Variants in HDAC2 observed in about 807,000 individuals in gnomAD.
The protein encoded by HDAC2 is histone deacetylase 2.
Under a neutral mutation model 68.5 loss-of-function variants are expected in HDAC2, and 5 were observed. That is an observed-to-expected ratio of 0.07 (90% CI 0.04 to 0.15). The LOEUF (loss-of-function observed/expected upper bound fraction) is 0.15. HDAC2 is among the 10% of genes least tolerant of loss of function. The pLI, the probability that HDAC2 is intolerant of heterozygous loss-of-function variation, is 1.00. For synonymous variants in HDAC2, 182 were observed against 191.3 expected (o/e 0.95, Z 0.40); for missense variants, 291 against 600.8 (o/e 0.48, Z 5.39).
At position 113,971,092 on chromosome 6, in the gene HDAC2, A is replaced by G; in HGVS notation, c.-184T>C. The G allele has an allele frequency of 6.5e-7, 1 of 1,542,840 alleles. No individual in the cohort carries two copies. Among genetic ancestry groups the G allele is most frequent in the Non-Finnish European group, 8.8e-7 (1 of 1,141,386 alleles). Reference sequence around the variant, plus strand: ...CCGGGAAGGCTCGGTACCACCCGGCAGAGGTGCCGAAAGCTCGGAATCGGA... The same window carrying G: ...CCGGGAAGGCTCGGTACCACCCGGCGGAGGTGCCGAAAGCTCGGAATCGGA... On this transcript the variant is annotated 5_prime_UTR_variant, in exon 1 of 14. Coordinates refer to ENST00000519065, the MANE Select transcript of HDAC2 (RefSeq NM_001527.4).
chr6:113,943,076 A>G (rs902669280), intron 12 of HDAC2, among the ~76,000 whole-genome samples: 11 of 152,184 alleles, frequency 7.2e-5, no homozygotes, highest in Non-Finnish European at 1.3e-4. Flanking sequence ...CCTCTTTCTT[A>G]ACCAATCTAT....
chr6:113,951,474 T>C (rs888551798), intron 6 of HDAC2, among the ~76,000 whole-genome samples: 2 of 148,758 alleles, frequency 1.3e-5, no homozygotes, highest in African/African-American at 5.1e-5. Context: ...TAAAATCTTT[T>C]TTTTTTTTTT....
In HDAC2 at chr6:113,961,462, G is replaced by A. The variant is rs1179728118; in HGVS notation, c.53-1444C>T. ...AATTCATATACAAAGTCTTTTAAAG[G>A]GAAAGCCACCTTTTTAATGCAGGTG... On this transcript the variant is annotated intron_variant, in intron 1 of 13. Coordinates refer to ENST00000519065, the MANE Select transcript of HDAC2 (RefSeq NM_001527.4). Among the ~76,000 whole-genome samples, 6 of 152,068 alleles carry A rather than the reference G, an allele frequency of 3.9e-5. No homozygotes were observed. The East Asian group carries it at 1.2e-3, about 29-fold the overall frequency.
Position 113,970,949 on chromosome 6 carries a change from C to G in HDAC2, c.-41G>C, listed in dbSNP as rs938307336. 3.9e-6 allele frequency: 6 copies of G among 1,527,556 alleles called. No homozygotes were observed. Among genetic ancestry groups the G allele is most frequent in the Non-Finnish European group, 4.4e-6 (5 of 1,125,782 alleles). The allele number at this position is 1,527,556 out of a possible 1,614,324, so 94.6% of individuals were successfully genotyped here. On this transcript the variant is annotated 5_prime_UTR_variant, in exon 1 of 14. Transcript: ENST00000519065. ...CGCCGCCACCGGGCTCCTCCTCCTG[C>G]TGCTGCTGCTGCTGCTGCTGCCGCC... is the stretch of plus-strand genomic sequence containing the variant.
chr6:113,965,368 G>GT (rs201133460), intron 1 of HDAC2, among the ~76,000 whole-genome samples: 12,827 of 144,218 alleles, frequency 0.089, 697 homozygotes, highest in East Asian at 0.28. Context: ...TACTTTTTTT[G>GT]TTTTTTTTTT....
chr6:113,968,121 G>A (rs983810518), intron 1 of HDAC2, among the ~76,000 whole-genome samples: 1 of 152,182 alleles, frequency 6.6e-6, no homozygotes, highest in African/African-American at 2.4e-5. Flanking sequence ...GTGGCCAAGA[G>A]GCTCCGTGTG....
chr6:113,970,446 AG>A, intron 1 of HDAC2: 1 of 1,043,196 alleles, frequency 9.6e-7, no homozygotes, highest in Non-Finnish European at 1.2e-6. Context: ...GGACGGGTCG[AG>A]GGGGTAGGAG....
In HDAC2 at chr6:113,946,155, C is replaced by G; in HGVS notation, c.842-7G>C. The G allele has an allele frequency of 1.2e-6, 2 of 1,607,368 alleles. No individual in the cohort carries two copies. Among genetic ancestry groups the G allele is most frequent in the Non-Finnish European group, 1.7e-6 (2 of 1,176,362 alleles). ...TCTACACATTTAGCATGACCTAAGA[C>G]AAGAAGATTTGGGTAACAACAAAAT... is the stretch of plus-strand genomic sequence containing the variant. On this transcript the variant is annotated splice_region_variant and splice_polypyrimidine_tract_variant and intron_variant, in intron 8 of 13. Coordinates refer to ENST00000519065, the MANE Select transcript of HDAC2 (RefSeq NM_001527.4).
At chr6:113,956,528 A>G (rs1476301044) in intron 4 of HDAC2, 91 bp downstream of exon 4, 5 of 853,138 alleles carry the variant, frequency 5.9e-6, no homozygotes, top group Non-Finnish European at 9.8e-6. Context: ...CAAAATTCAC[A>G]ATCATTAAAA....
intron 1 of HDAC2, among the ~76,000 whole-genome samples, chr6:113,963,634 A>T (rs1019480956): frequency 6.6e-6 from 1 of 152,244 alleles, no homozygotes; most frequent in African/African-American, 2.4e-5. Context: ...TTTTCGAATT[A>T]GGGATGCTAA....
At chr6:113,962,387 G>T in intron 1 of HDAC2, 2 of 907,304 alleles carry the variant, frequency 2.2e-6, no homozygotes, top group Non-Finnish European at 2.6e-6. Context: ...GAAATGGCAG[G>T]GTGAAGGCTG....
chr6:113,962,724 G>A (rs565092690), intron 1 of HDAC2, among the ~76,000 whole-genome samples: 3 of 152,208 alleles, frequency 2.0e-5, no homozygotes, highest in East Asian at 2.0e-4. Context: ...AGTACTTCGG[G>A]AGGCCGAGGC....
intron 1 of HDAC2, 28 bp from the exon 2 acceptor site, chr6:113,960,046 A>C (rs967700703): frequency 8.4e-6 from 9 of 1,071,956 alleles, no homozygotes; most frequent in African/African-American, 3.1e-5. Flanking sequence ...CAAACTAAAC[A>C]ATACAGACAA....
Position 113,946,123 on chromosome 6 carries a change from T to C in HDAC2, c.867A>G (p.Val289=), listed in dbSNP as rs77438668. Residue 289 remains valine (V), a synonymous_variant, in exon 9 of 14, where the codon GTA becomes GTG. Coordinates refer to ENST00000519065, the MANE Select transcript of HDAC2 (RefSeq NM_001527.4). Reference sequence around the variant, plus strand: ...TCAGTAATGGTAAGTTAAAAGTTTTTACAACTTCTACACATTTAGCATGAC... The same window carrying C: ...TCAGTAATGGTAAGTTAAAAGTTTTCACAACTTCTACACATTTAGCATGAC... ...VKGHAKCVEV[V]KTFNLPLLML... is the part of the protein sequence containing the mutation. The C allele has an allele frequency of 1.2e-5, 19 of 1,613,356 alleles. No individual in the cohort carries two copies. Among genetic ancestry groups the C allele is most frequent in the Admixed American group, 1.7e-5 (1 of 59,994 alleles).
Position 113,955,778 on chromosome 6 carries a change from A to AGG in HDAC2, c.497+233_497+234dup, listed in dbSNP as rs1282091575. ...CGCCCACCTCAGCCTCCCAAAGTGG[A>AGG]GGGATTACAGGCCTGGGCCATAGTG... is the stretch of plus-strand genomic sequence containing the variant. On this transcript the variant is annotated intron_variant, in intron 5 of 13. Transcript: ENST00000519065. 4 of 378,680 alleles carry AGG rather than the reference A, an allele frequency of 1.1e-5. No homozygotes were observed. In the Admixed American group the frequency reaches 1.4e-4, roughly 13 times the overall value. 23.5% of individuals were successfully genotyped at this position (378,680 alleles called of 1,614,324 possible).
chr6:113,963,244 C>T (rs1056618656), intron 1 of HDAC2, among the ~76,000 whole-genome samples: 6 of 151,852 alleles, frequency 4.0e-5, no homozygotes, highest in South Asian at 2.1e-4. Flanking sequence ...CCACCATACC[C>T]GGCTAATTTT....
intron 1 of HDAC2, chr6:113,969,595 C>T (rs1369054506): frequency 6.6e-6 from 1 of 152,196 alleles, no homozygotes; most frequent in African/African-American, 2.4e-5. Flanking sequence ...GGAATCCCTT[C>T]TCTCAAGAGT....
intron 1 of HDAC2, chr6:113,970,481 T>A: frequency 9.0e-7 from 1 of 1,105,590 alleles, no homozygotes; most frequent in Admixed American, 5.2e-5. Context: ...ACCCCAAACC[T>A]GCGTTGCCAC....
At chr6:113,964,854 T>C (rs189902043) in intron 1 of HDAC2, among the ~76,000 whole-genome samples, 4 of 152,232 alleles carry the variant, frequency 2.6e-5, no homozygotes, top group Admixed American at 6.5e-5. Context: ...ACCACCTAAC[T>C]GCTCAATCCA....
Sources: gnomAD v4.1 joint callset for allele counts (sites outside exome capture counted in the v4.1 genomes callset) on GRCh38, gnomAD v4.1.1 for gene constraint, MANE v1.5 for transcripts, NCBI Gene and HGNC (gene_info 2026-07-23, HGNC 2026-07-21) for gene names.